Variants in RBM46 observed in about 807,000 individuals in gnomAD.
RBM46 encodes RNA binding motif protein 46, also known as probable RNA-binding protein 46.
Under a neutral mutation model 43.3 loss-of-function variants are expected in RBM46, and 12 were observed. The observed-to-expected ratio is 0.28, with a 90% CI of 0.18 to 0.45. The LOEUF is 0.45. RBM46 is among the 20% of genes least tolerant of loss of function. The pLI, the probability that RBM46 is intolerant of heterozygous loss-of-function variation, is 1.00. For synonymous variants in RBM46, 205 were observed against 207.6 expected, an observed-to-expected ratio of 0.99 and a Z score of 0.11; for missense variants, 412 against 639.1, an observed-to-expected ratio of 0.64 and a Z score of 3.83.
chr4:154,792,935 A>G (rs1560893341), intron 1 of RBM46, among the ~76,000 whole-genome samples: 1 of 152,188 alleles, frequency 6.6e-6, no homozygotes, highest in African/African-American at 2.4e-5. Context: ...TATTTAATTG[A>G]GTAGCACATG....
intron 4 of RBM46, among the ~76,000 whole-genome samples, chr4:154,808,220 T>C (rs1260655832): frequency 6.6e-6 from 1 of 152,052 alleles, no homozygotes; most frequent in Non-Finnish European, 1.5e-5. Flanking sequence ...ATTCAAGGGA[T>C]TGGCACTTAT....
Position 154,828,097 on chromosome 4 carries a change from G to T in RBM46, c.*30G>T, listed in dbSNP as rs774503299. 3.4e-6 allele frequency: 5 copies of T among 1,466,674 alleles called. No individual in the cohort carries two copies. The Admixed American group carries it at 8.4e-5, about 25-fold the overall frequency. 90.9% of individuals were successfully genotyped at this position (1,466,674 alleles called of 1,614,324 possible). A position where few individuals can be genotyped will look rare whatever the true frequency, so the allele number is the denominator to read the frequency against. The stretch of plus-strand genomic sequence containing the variant: ...AATACTAACATTAGTATGAAAATTT[G>T]TGTAAATTTGTAGTATGAAAACTTG... On this transcript the variant is annotated 3_prime_UTR_variant, in exon 5 of 5. Transcript: ENST00000281722.
intron 1 of RBM46, chr4:154,790,612 T>C (rs1734036830): frequency 6.6e-6 from 1 of 152,226 alleles, no homozygotes. Flanking sequence ...GGGTAGATAT[T>C]CTATGATATT....
At chr4:154,798,755 C>T in intron 3 of RBM46, 27 bp from the exon 4 acceptor site, 1 of 1,370,474 alleles carries the variant, frequency 7.3e-7, no homozygotes, top group Non-Finnish European at 9.4e-7. Flanking sequence ...TTTTAATTCT[C>T]TTCAAATTAT....
In RBM46 at chr4:154,807,232, A is replaced by G. The variant is rs1278908991; in HGVS notation, c.1402+7668A>G. Among the ~76,000 whole-genome samples the G allele has an allele frequency of 2.0e-5, 3 of 151,846 alleles. No homozygotes were observed. The South Asian group carries it at 6.2e-4, about 32-fold the overall frequency. On this transcript the variant is annotated intron_variant, in intron 4 of 4. Coordinates refer to ENST00000281722, the MANE Select transcript of RBM46 (RefSeq NM_144979.5). ...GTCCCTAAATACATATTTTGAATGT[A>G]GCAGTTCATAATTTTGCCACATGAT...
intron 4 of RBM46, chr4:154,826,738 C>CTTTTTTTT: frequency 3.0e-6 from 3 of 998,978 alleles, no homozygotes; most frequent in Middle Eastern, 2.2e-4. Flanking sequence ...TTTCATTTTT[C>CTTTTTTTT]CTTTTTTTTT....
In RBM46 at chr4:154,815,195, C is replaced by T. The variant is rs115172970; in HGVS notation, c.1403-12673C>T. On this transcript the variant is annotated intron_variant, in intron 4 of 4. Coordinates refer to ENST00000281722, the MANE Select transcript of RBM46 (RefSeq NM_144979.5). Reference sequence around the variant, plus strand: ...GCTGTCATTGATACCTGTATTTCATCGGAGTGTTGTATATAACTTGCTGTC... The same window carrying T: ...GCTGTCATTGATACCTGTATTTCATTGGAGTGTTGTATATAACTTGCTGTC... Among the ~76,000 whole-genome samples the T allele has an allele frequency of 3.8e-3, 574 of 152,044 alleles. 3 individuals carry two copies. The highest frequency in any genetic ancestry group is 0.014 in the Middle Eastern group (4 of 294).
Position 154,811,441 on chromosome 4 carries a change from T to C in RBM46, c.1402+11877T>C, listed in dbSNP as rs1735166318. Among the ~76,000 whole-genome samples the C allele has an allele frequency of 3.3e-5, 5 of 152,242 alleles. No homozygotes were observed. The South Asian group carries it at 1.0e-3, about 32-fold the overall frequency. On this transcript the variant is annotated intron_variant, in intron 4 of 4. Coordinates refer to ENST00000281722, the MANE Select transcript of RBM46 (RefSeq NM_144979.5). Reference sequence around the variant, plus strand: ...ACATGTATTAAATGAGTTAAAATTATAAAGGGCCCAGAACATTCCCTTTTA... The same window carrying C: ...ACATGTATTAAATGAGTTAAAATTACAAAGGGCCCAGAACATTCCCTTTTA...
At chr4:154,827,088 C>T (rs1184240804) in intron 4 of RBM46, 18 of 1,111,430 alleles carry the variant, frequency 1.6e-5, no homozygotes, top group Non-Finnish European at 2.0e-5. Flanking sequence ...AATATACACA[C>T]ACACATATAA....
At chr4:154,827,211 T>C (rs1736009252) in intron 4 of RBM46, 2 of 895,918 alleles carry the variant, frequency 2.2e-6, no homozygotes, top group Non-Finnish European at 1.3e-6. Context: ...TATTTTTCTG[T>C]ACTATAAGTT....
At chr4:154,781,683 A>G (rs1308758416) in intron 1 of RBM46, 1 of 152,370 alleles carries the variant, frequency 6.6e-6, no homozygotes, top group African/African-American at 2.4e-5. Context: ...GTGAGGGCCC[A>G]GCGGCCAGTC....
At position 154,798,079 on chromosome 4, in the gene RBM46, T is replaced by C; in HGVS notation, c.420T>C (p.Asn140=). Residue 140 remains asparagine, a synonymous_variant, in exon 3 of 5, where the codon AAT becomes AAC. Coordinates refer to ENST00000281722, the MANE Select transcript of RBM46 (RefSeq NM_144979.5). ...TTGGTGTGTGTGTAAGCCTGGATAA[T>C]TGTAGATTATTTATTGGAGCTATTC... ...KFIGVCVSLD[N]CRLFIGAIPK... is the part of the protein sequence containing the mutation. 2 of 1,613,918 alleles carry C rather than the reference T, an allele frequency of 1.2e-6. No homozygotes were observed. Among genetic ancestry groups the C allele is most frequent in the Non-Finnish European group, 8.5e-7 (1 of 1,179,908 alleles).
intron 3 of RBM46, 103 bp from the exon 4 acceptor site, chr4:154,798,679 G>A (rs927796039): frequency 3.3e-5 from 29 of 871,212 alleles, no homozygotes; most frequent in Non-Finnish European, 4.7e-5. Flanking sequence ...ATTTATTGAT[G>A]TGTAGTTGAG....
In RBM46 at chr4:154,796,772, A is replaced by G. The variant is rs1734372981; in HGVS notation, c.20A>G (p.Asp7Gly). Residue 7 changes from aspartate (D) to glycine (G), a missense_variant, in exon 2 of 5, where the codon GAT (aspartate) becomes GGT (glycine). Transcript: ENST00000281722. ...GCAACCATGAATGAAGAAAATATAG[A>G]TGGAACAAATGGATGCAGTAAAGTT... The part of the protein sequence containing the change: MNEENI[D>G]GTNGCSKVRT... 1.9e-6 allele frequency: 3 copies of G among 1,609,088 alleles called. No individual in the cohort carries two copies. Among genetic ancestry groups the G allele is most frequent in the African/African-American group, 1.3e-5 (1 of 74,804 alleles).
At chr4:154,811,522 A>G (rs574976619) in intron 4 of RBM46, among the ~76,000 whole-genome samples, 129 of 152,340 alleles carry the variant, frequency 8.5e-4, no homozygotes, top group African/African-American at 2.9e-3. Context: ...AACAAATCCA[A>G]GATACCAGTT....
chr4:154,803,955 G>A (rs553801763), intron 4 of RBM46, among the ~76,000 whole-genome samples: 8 of 152,040 alleles, frequency 5.3e-5, no homozygotes, highest in Non-Finnish European at 1.0e-4. Context: ...TGCTGTCTTC[G>A]CAATGGTGAA....
intron 1 of RBM46, among the ~76,000 whole-genome samples, chr4:154,783,696 G>GT (rs1733618551): frequency 6.6e-6 from 1 of 152,110 alleles, no homozygotes; most frequent in African/African-American, 2.4e-5. Context: ...TTTTTTAAAA[G>GT]TATTAGTTAC....
chr4:154,794,480 C>G lies in RBM46; in HGVS notation c.-11-2262C>G, dbSNP rs561618286. On this transcript the variant is annotated intron_variant, in intron 1 of 4. Transcript: ENST00000281722. Reference sequence around the variant, plus strand: ...CAGGCATAAGTGGTCTCACTGCTTCCACCTTTGCCCTTCTACTGACTTCCC... The same window carrying G: ...CAGGCATAAGTGGTCTCACTGCTTCGACCTTTGCCCTTCTACTGACTTCCC... Among the ~76,000 whole-genome samples the G allele has an allele frequency of 2.4e-4, 37 of 152,216 alleles. No individual in the cohort carries two copies. The South Asian group carries it at 7.5e-3, about 31-fold the overall frequency.
intron 4 of RBM46, among the ~76,000 whole-genome samples, chr4:154,806,621 A>G (rs1465300913): frequency 6.6e-6 from 1 of 151,794 alleles, no homozygotes; most frequent in Non-Finnish European, 1.5e-5. Flanking sequence ...TTCAAAGCTT[A>G]TGCCCCCCTA....
Sources: gnomAD v4.1 joint callset for allele counts (sites outside exome capture counted in the v4.1 genomes callset) on GRCh38, gnomAD v4.1.1 for gene constraint, MANE v1.5 for transcripts, NCBI Gene and HGNC (gene_info 2026-07-23, HGNC 2026-07-21) for gene names.